DBX2: variants seen among roughly 807,000 people sequenced by gnomAD.
DBX2 encodes the protein homeobox protein DBX2.
In DBX2, 16 loss-of-function variants were observed where a neutral mutation model predicts 17.7. The observed-to-expected ratio is 0.90, with a 90% confidence interval of 0.61 to 1.37. The LOEUF (loss-of-function observed/expected upper bound fraction) is 1.37, where lower values mean the gene tolerates loss of function less well. Ranked by LOEUF, DBX2 falls within the 40% of genes most tolerant of loss-of-function variation. DBX2 has a pLI of 0.00. For synonymous variants in DBX2, 255 were observed against 183.8 expected, an observed-to-expected ratio of 1.39 and a Z score of -3.13; for missense variants, 538 against 433.8, an observed-to-expected ratio of 1.24 and a Z score of -2.13.
intron 2 of DBX2, among the ~76,000 whole-genome samples, chr12:45,031,225 T>TGTGTATGTGAGA (rs1377897653): frequency 2.3e-5 from 2 of 85,624 alleles, no homozygotes; most frequent in Non-Finnish European, 4.4e-5. Context: ...TGTGTGTGTG[T>TGTGTATGTGAGA]GAGAGAGAGA....
intron 2 of DBX2, among the ~76,000 whole-genome samples, chr12:45,025,207 G>A (rs906429964): frequency 6.6e-6 from 1 of 152,168 alleles, no homozygotes; most frequent in South Asian, 2.1e-4. Flanking sequence ...GTAATCATAA[G>A]ATTCCTTATA....
In DBX2 at chr12:45,050,825, C is replaced by T. The variant is rs747431930; in HGVS notation, c.103G>A (p.Gly35Ser). The change falls in exon 1 of 4, where the codon GGC (glycine) becomes AGC (serine). Residue 35 changes from glycine to serine, a missense_variant. By Grantham distance (56) the Gly-to-Ser change is moderately conservative. Coordinates refer to ENST00000332700, the MANE Select transcript of DBX2 (RefSeq NM_001004329.3). The stretch of plus-strand genomic sequence containing the variant: ...AAATTCTCGATCAGGAAACTCTTGC[C>T]CAGGTTGCCAAAGCCGGGCGCAGCG... ...LPAAPGFGNL[G>S]KSFLIENLLR... The T allele has an allele frequency of 1.9e-6, 3 of 1,539,804 alleles. No individual in the cohort carries two copies. The highest frequency in any genetic ancestry group is 1.2e-5 in the South Asian group (1 of 82,022).
At chr12:45,022,298 G>GTTTTTTTTTTTTTTT (rs745546411) in intron 3 of DBX2, among the ~76,000 whole-genome samples, 1 of 82,518 alleles carries the variant, frequency 1.2e-5, no homozygotes, top group Non-Finnish European at 2.1e-5. Flanking sequence ...AATAATAACT[G>GTTTTTTTTTTTTTTT]TTTTTTTTTT....
chr12:45,048,250 T>C (rs1217990943), intron 1 of DBX2, among the ~76,000 whole-genome samples: 3 of 152,238 alleles, frequency 2.0e-5, no homozygotes, highest in Non-Finnish European at 4.4e-5. Context: ...AATTTAGATG[T>C]GGTGCACTCA....
At position 45,028,498 on chromosome 12, in the gene DBX2, C is replaced by T. The variant is rs889259728; in HGVS notation, c.500-4604G>A. On this transcript the variant is annotated intron_variant, in intron 2 of 3. Transcript: ENST00000332700. ...AGATCTACATGTTAAAATAAAATAG[C>T]GGGGAAATAAAACTCATTTAAATGC... Among the ~76,000 whole-genome samples the T allele has an allele frequency of 2.6e-5, 4 of 151,920 alleles. No individual in the cohort carries two copies. The East Asian group carries it at 7.7e-4, about 29-fold the overall frequency.
chr12:45,027,983 C>G (rs1434486278), intron 2 of DBX2, among the ~76,000 whole-genome samples: 1 of 152,186 alleles, frequency 6.6e-6, no homozygotes, highest in Non-Finnish European at 1.5e-5. Context: ...AGATAAGAAG[C>G]CGCTGAGTTA....
At chr12:45,016,671 T>C in intron 3 of DBX2, 53 bp from the exon 4 acceptor site, 1 of 1,489,760 alleles carries the variant, frequency 6.7e-7, no homozygotes, top group Non-Finnish European at 9.0e-7. Context: ...TTATTTTACT[T>C]CAGCATTTTA....
At chr12:45,020,560 C>T (rs1024757926) in intron 3 of DBX2, among the ~76,000 whole-genome samples, 1 of 151,744 alleles carries the variant, frequency 6.6e-6, no homozygotes, top group Non-Finnish European at 1.5e-5. Context: ...GATCTTCTGG[C>T]TTCTACTGCT....
chr12:45,037,162 G>A (rs183196511), intron 1 of DBX2, among the ~76,000 whole-genome samples: 1 of 152,270 alleles, frequency 6.6e-6, no homozygotes, highest in East Asian at 1.9e-4. Context: ...GATGAGAACA[G>A]CTATAAAGGA....
Position 45,031,277 on chromosome 12 carries a change from A to G in DBX2, c.499+4742T>C, listed in dbSNP as rs1172357962. On this transcript the variant is annotated intron_variant, in intron 2 of 3. Coordinates refer to ENST00000332700, the MANE Select transcript of DBX2 (RefSeq NM_001004329.3). Reference sequence around the variant, plus strand: ...GAGAGATGTAATTTTTGCAGATCTTAAGTTTGGAGAGAAAAGACACAGCGT... The same window carrying G: ...GAGAGATGTAATTTTTGCAGATCTTGAGTTTGGAGAGAAAAGACACAGCGT... Among the ~76,000 whole-genome samples, 3 of 146,138 alleles carry G rather than the reference A, an allele frequency of 2.1e-5. 1 individual carries two copies. The highest frequency in any genetic ancestry group is 4.5e-5 in the Non-Finnish European group (3 of 66,542).
chr12:45,022,259 C>T (rs1206653141), intron 3 of DBX2, among the ~76,000 whole-genome samples: 1 of 148,528 alleles, frequency 6.7e-6, no homozygotes, highest in Non-Finnish European at 1.5e-5. Flanking sequence ...TGTGAAGACA[C>T]TTCCCTAGGG....
chr12:45,019,031 T>G (rs1321107466), intron 3 of DBX2, among the ~76,000 whole-genome samples: 2 of 151,922 alleles, frequency 1.3e-5, no homozygotes, highest in Non-Finnish European at 2.9e-5. Context: ...GAGTTTCAGT[T>G]TTACAAGATG....
intron 2 of DBX2, among the ~76,000 whole-genome samples, chr12:45,035,677 C>G (rs1237940728): frequency 6.6e-6 from 1 of 152,126 alleles, no homozygotes. Flanking sequence ...CAATTTTTCG[C>G]CTTCCTTCCT....
chr12:45,035,941 T>C, intron 2 of DBX2, 78 bp downstream of exon 2: 1 of 1,374,856 alleles, frequency 7.3e-7, no homozygotes. Flanking sequence ...TACCAATTAG[T>C]TTTCCAGAGC....
chr12:45,030,014 C>T (rs1379457780), intron 2 of DBX2, among the ~76,000 whole-genome samples: 2 of 152,154 alleles, frequency 1.3e-5, no homozygotes, highest in South Asian at 2.1e-4. Flanking sequence ...CCCTAATTGC[C>T]GTCTTCCCCA....
intron 1 of DBX2, among the ~76,000 whole-genome samples, chr12:45,046,949 T>C (rs984246080): frequency 1.3e-5 from 2 of 152,346 alleles, no homozygotes; most frequent in East Asian, 1.9e-4. Flanking sequence ...TCCTTTCATA[T>C]GCAGCAGAAG....
chr12:45,036,035 G>A lies in DBX2; in HGVS notation c.483C>T (p.Ser161=). The part of the protein sequence containing the change: ...CCGGSCRRPA[S]STAFPREESM... ...AAAACTTACTTGGAAAAGCAGTGGAGGATGCAGGGCGCCGACAGGACCCAC... is the reference window on the plus strand; with the variant it reads ...AAAACTTACTTGGAAAAGCAGTGGAAGATGCAGGGCGCCGACAGGACCCAC... Residue 161 remains serine (S), a synonymous_variant, in exon 2 of 4, where the codon TCC becomes TCT. Coordinates refer to ENST00000332700, the MANE Select transcript of DBX2 (RefSeq NM_001004329.3). 6.2e-7 allele frequency: 1 copy of A among 1,613,392 alleles called. No individual in the cohort carries two copies. The highest frequency in any genetic ancestry group is 8.5e-7 in the Non-Finnish European group (1 of 1,179,752).
At chr12:45,029,682 C>T (rs887621732) in intron 2 of DBX2, among the ~76,000 whole-genome samples, 6 of 151,700 alleles carry the variant, frequency 4.0e-5, no homozygotes, top group Non-Finnish European at 7.4e-5. Flanking sequence ...CTGGCCAACA[C>T]GGTGAAACCG....
chr12:45,028,206 G>A (rs1348703912), intron 2 of DBX2, among the ~76,000 whole-genome samples: 2 of 152,158 alleles, frequency 1.3e-5, no homozygotes, highest in African/African-American at 4.8e-5. Context: ...AAGAACACAG[G>A]AGAAAAGCTG....
Sources: allele counts gnomAD v4.1 joint callset (sites outside exome capture counted in the v4.1 genomes callset), GRCh38; gene constraint gnomAD v4.1.1; transcripts MANE v1.5; gene names NCBI Gene and HGNC (gene_info 2026-07-23, HGNC 2026-07-21).